Variants in SORCS1 observed in about 807,000 individuals in gnomAD.
SORCS1 encodes the protein sortilin related VPS10 domain containing receptor 1.
In SORCS1, 60 loss-of-function variants were observed where a neutral mutation model predicts 146.1. The observed-to-expected ratio is 0.41, with a 90% CI of 0.33 to 0.51. SORCS1 has a LOEUF of 0.51. Ranked by LOEUF, SORCS1 falls within the 20% of genes least tolerant of loss-of-function variation. SORCS1 has a pLI of 0.21. For missense variants in SORCS1, 1,352 were observed against 1,487.6 expected (o/e 0.91, Z 1.50); for synonymous variants, 637 against 584.0 (o/e 1.09, Z -1.31).
intron 6 of SORCS1, among the ~76,000 whole-genome samples, chr10:106,723,937 A>G (rs1798478045): frequency 6.6e-6 from 1 of 152,176 alleles, no homozygotes; most frequent in Non-Finnish European, 1.5e-5. Context: ...ATTTAAATAA[A>G]GTTATTAAAA....
intron 1 of SORCS1, among the ~76,000 whole-genome samples, chr10:107,005,097 G>A (rs1439143457): frequency 6.6e-6 from 1 of 152,126 alleles, no homozygotes; most frequent in Non-Finnish European, 1.5e-5. Flanking sequence ...CAACTCTAAG[G>A]AAATAATTGA....
Position 107,077,918 on chromosome 10 carries a change from T to A in SORCS1, c.558+86051A>T, listed in dbSNP as rs539772581. Among the ~76,000 whole-genome samples, 111 of 152,260 alleles carry A rather than the reference T, an allele frequency of 7.3e-4. 1 individual carries two copies. The highest frequency in any genetic ancestry group is 1.9e-4 in the Non-Finnish European group (13 of 68,012). On this transcript the variant is annotated intron_variant, in intron 1 of 25. Coordinates refer to ENST00000263054, the MANE Select transcript of SORCS1 (RefSeq NM_052918.5). ...CTTAGAAAGAGAATTAGGGTGAGAA[T>A]TTAAAAAATCAGGAAAATCTTTTTC...
At chr10:106,951,456 G>A (rs961521556) in intron 2 of SORCS1, among the ~76,000 whole-genome samples, 13 of 149,798 alleles carry the variant, frequency 8.7e-5, no homozygotes, top group African/African-American at 3.2e-4. Context: ...AGCTTGCAGT[G>A]AGCCGAGATC....
At chr10:107,126,225 AAAAC>A (rs1011809634) in intron 1 of SORCS1, among the ~76,000 whole-genome samples, 6 of 152,074 alleles carry the variant, frequency 3.9e-5, no homozygotes, top group South Asian at 2.1e-4. Context: ...CATCCTATCT[AAAAC>A]AAACAAACAA....
Position 107,164,416 on chromosome 10 carries a change from G to C in SORCS1, c.111C>G (p.Cys37Trp). Residue 37 changes from cysteine to tryptophan, a missense_variant, in exon 1 of 26, where the codon TGC (cysteine) becomes TGG (tryptophan). Cys to Trp is a radical substitution (Grantham distance 215). This residue lies in a region of SORCS1 where 490 missense variants were observed against 489.1 expected (regional missense o/e 1.00). Coordinates refer to ENST00000263054, the MANE Select transcript of SORCS1 (RefSeq NM_052918.5). This position sits in a 1 kb window ranked among gnomAD's most constrained non-coding sequence, Gnocchi z 6.8. Reference protein sequence around the residue: ...CAPGVCGGGSCCPSPHPSSAP... With the variant: ...CAPGVCGGGSWCPSPHPSSAP... Reference sequence around the variant, plus strand: ...CGGAGCTGGGGTGCGGCGAGGGGCAGCAGGAGCCGCCGCCGCAGACGCCCG... The same window carrying C: ...CGGAGCTGGGGTGCGGCGAGGGGCACCAGGAGCCGCCGCCGCAGACGCCCG... 7.1e-7 allele frequency: 1 copy of C among 1,413,418 alleles called. No homozygotes were observed. Among genetic ancestry groups the C allele is most frequent in the Non-Finnish European group, 9.2e-7 (1 of 1,089,184 alleles). 87.6% of individuals were successfully genotyped at this position (1,413,418 alleles called of 1,614,324 possible). A position where few individuals can be genotyped will look rare whatever the true frequency, so the allele number is the denominator to read the frequency against.
At chr10:106,892,312 A>T (rs1018238670) in intron 2 of SORCS1, among the ~76,000 whole-genome samples, 1 of 152,338 alleles carries the variant, frequency 6.6e-6, no homozygotes, top group Middle Eastern at 3.4e-3. Context: ...TTTTATTCTA[A>T]GTCACCTGGA....
chr10:106,733,036 AG>A (rs1856710025), intron 5 of SORCS1, among the ~76,000 whole-genome samples: 1 of 148,010 alleles, frequency 6.8e-6, no homozygotes, highest in Admixed American at 6.8e-5. Context: ...TGAACCTGGG[AG>A]GTGGAGGTTG....
chr10:107,040,692 T>C (rs889819457), intron 1 of SORCS1, among the ~76,000 whole-genome samples: 1 of 152,212 alleles, frequency 6.6e-6, no homozygotes, highest in Non-Finnish European at 1.5e-5. Context: ...ATTAGGGTTG[T>C]TGTAAGGATT....
At chr10:107,034,689 A>AAAAAAAAAAC (rs1958813523) in intron 1 of SORCS1, among the ~76,000 whole-genome samples, 1 of 143,880 alleles carries the variant, frequency 7.0e-6, no homozygotes, top group African/African-American at 2.5e-5. Flanking sequence ...TCAAAAAAAA[A>AAAAAAAAAAC]AAAAAAAAAA....
At chr10:106,773,807 G>C (rs1224270916) in intron 4 of SORCS1, among the ~76,000 whole-genome samples, 2 of 152,126 alleles carry the variant, frequency 1.3e-5, no homozygotes, top group African/African-American at 4.8e-5. Context: ...AAATTAGCCA[G>C]GCGTGGTGGC....
At chr10:106,940,257 A>G (rs1953966557) in intron 2 of SORCS1, among the ~76,000 whole-genome samples, 1 of 152,228 alleles carries the variant, frequency 6.6e-6, no homozygotes, top group African/African-American at 2.4e-5. Context: ...GTGATAACTA[A>G]TATGGGACAT....
At chr10:106,585,567 G>A (rs1463076623) in intron 24 of SORCS1, among the ~76,000 whole-genome samples, 1 of 152,140 alleles carries the variant, frequency 6.6e-6, no homozygotes, top group African/African-American at 2.4e-5. Context: ...TGTAGATATG[G>A]ATTACATTGC....
At chr10:106,660,747 C>T (rs1454498243) in intron 17 of SORCS1, among the ~76,000 whole-genome samples, 1 of 145,406 alleles carries the variant, frequency 6.9e-6, no homozygotes, top group African/African-American at 2.6e-5. Context: ...GAGACTCCGT[C>T]TCAAAAAAAA....
At chr10:106,858,168 A>G (rs1439506032) in intron 2 of SORCS1, among the ~76,000 whole-genome samples, 6 of 152,222 alleles carry the variant, frequency 3.9e-5, no homozygotes, top group African/African-American at 9.6e-5. Context: ...TTAATATCAC[A>G]TCAAAAGCTT....
chr10:106,756,862 G>A (rs1360819580), intron 5 of SORCS1, among the ~76,000 whole-genome samples: 2 of 152,178 alleles, frequency 1.3e-5, no homozygotes, highest in Non-Finnish European at 2.9e-5. Context: ...AAACTCACCA[G>A]ATCATGAACC....
chr10:107,099,098 G>T (rs942761820), intron 1 of SORCS1, among the ~76,000 whole-genome samples: 2 of 152,158 alleles, frequency 1.3e-5, no homozygotes, highest in African/African-American at 4.8e-5. Flanking sequence ...AGTGTTAAAG[G>T]TATTGACAAA....
intron 3 of SORCS1, among the ~76,000 whole-genome samples, chr10:106,811,755 G>A (rs1195789927): frequency 6.6e-6 from 1 of 152,152 alleles, no homozygotes; most frequent in Non-Finnish European, 1.5e-5. Flanking sequence ...GCTTCATTGA[G>A]CAGTTGCTAT....
At chr10:106,978,491 A>G (rs1249066489) in intron 1 of SORCS1, among the ~76,000 whole-genome samples, 1 of 152,158 alleles carries the variant, frequency 6.6e-6, no homozygotes, top group Non-Finnish European at 1.5e-5. Context: ...AGCAAGTATT[A>G]AAGTTTTTCT....
intron 4 of SORCS1, among the ~76,000 whole-genome samples, chr10:106,768,570 T>A (rs1010726229): frequency 2.0e-5 from 3 of 152,246 alleles, no homozygotes; most frequent in Non-Finnish European, 2.9e-5. Flanking sequence ...TTAATGGTTT[T>A]CTATTGTTAT....
Sources: gnomAD v4.1 joint callset for allele counts (sites outside exome capture counted in the v4.1 genomes callset) on GRCh38, gnomAD v4.1.1 for gene constraint, gnomAD v4.1.1 regional missense constraint, Gnocchi (gnomAD v3.1) non-coding constraint, MANE v1.5 for transcripts, NCBI Gene and HGNC (gene_info 2026-07-23, HGNC 2026-07-21) for gene names.